Variants in ERICH3 observed in about 807,000 individuals in gnomAD.
The protein encoded by ERICH3 is glutamate-rich protein 3.
A neutral mutation model predicts 131.1 loss-of-function variants in ERICH3; 126 were observed. The ratio of observed to expected loss-of-function variants is 0.96; its 90% CI spans 0.83 to 1.11. The LOEUF is 1.11. Among genes scored for constraint, ERICH3 ranks in the 50% most tolerant of loss-of-function variants. The pLI, the probability that ERICH3 is intolerant of heterozygous loss-of-function variation, is 0.00. For missense variants in ERICH3, 2,050 were observed against 1,810.7 expected (o/e 1.13, Z -2.40); for synonymous variants, 695 against 644.6 (o/e 1.08, Z -1.18).
chr1:74,594,362 C>T (rs891773943), intron 11 of ERICH3, among the ~76,000 whole-genome samples: 4 of 151,246 alleles, frequency 2.6e-5, no homozygotes, highest in Admixed American at 1.3e-4. Flanking sequence ...TAGCTTGATA[C>T]GCCTGACCAA....
chr1:74,598,464 G>A (rs1647960902), intron 11 of ERICH3, among the ~76,000 whole-genome samples: 1 of 151,782 alleles, frequency 6.6e-6, no homozygotes, highest in South Asian at 2.1e-4. Flanking sequence ...AAATAGATTA[G>A]AGTAATAAAA....
chr1:74,657,741 A>C (rs1437399871), intron 1 of ERICH3, among the ~76,000 whole-genome samples: 1 of 152,136 alleles, frequency 6.6e-6, no homozygotes, highest in East Asian at 1.9e-4. Flanking sequence ...AATGGGGAAG[A>C]AGTGAATGGG....
At position 74,572,434 on chromosome 1, in the gene ERICH3, A is replaced by T; in HGVS notation, c.3276T>A (p.Phe1092Leu). The T allele has an allele frequency of 6.2e-7, 1 of 1,613,954 alleles. No individual in the cohort carries two copies. The highest frequency in any genetic ancestry group is 1.3e-5 in the African/African-American group (1 of 75,008). The stretch of plus-strand genomic sequence containing the variant: ...CCGCTTTAAGTTTTTGCTCTTCTTT[A>T]AAAGCATCTTCATCCTTGAGTGCAT... Reference protein sequence around the residue: ...RANALKDEDAFKEEQKLKAEE... With the variant: ...RANALKDEDALKEEQKLKAEE... Residue 1092 changes from phenylalanine (F) to leucine (L), a missense_variant, in exon 14 of 15, where the codon TTT (phenylalanine) becomes TTA (leucine). Transcript: ENST00000326665.
At chr1:74,588,205 T>A (rs1298689517) in intron 12 of ERICH3, among the ~76,000 whole-genome samples, 1 of 152,226 alleles carries the variant, frequency 6.6e-6, no homozygotes, top group Non-Finnish European at 1.5e-5. Flanking sequence ...ATTTAACCTT[T>A]AAAGTTTCTC....
chr1:74,628,694 T>TACAC lies in ERICH3; in HGVS notation c.819+3015_819+3018dup, dbSNP rs3036412. ...TCAAGTGTCAACTCTCCATATACAG[T>TACAC]ACACACACACACACACACAGACACA... On this transcript the variant is annotated intron_variant, in intron 7 of 14. Transcript: ENST00000326665. Among the ~76,000 whole-genome samples, 223 of 148,820 alleles carry TACAC rather than the reference T, an allele frequency of 1.5e-3. 1 individual carries two copies. The highest frequency in any genetic ancestry group is 3.6e-3 in the African/African-American group (148 of 40,714).
Position 74,646,667 on chromosome 1 carries a change from C to T in ERICH3, c.243G>A (p.Glu81=). ...QAIFHKVLDM[E]RYHQLEIKKK... ...ATAAAAAATAAGTATATATTTTTAC[C>T]TCCATATCAAGAACTTTATGAAAAA... Residue 81 remains glutamate, a splice_region_variant and synonymous_variant, in exon 3 of 15, where the codon GAG becomes GAA. Coordinates refer to ENST00000326665, the MANE Select transcript of ERICH3 (RefSeq NM_001002912.5). 7.7e-7 allele frequency: 1 copy of T among 1,305,074 alleles called. No homozygotes were observed. Among genetic ancestry groups the T allele is most frequent in the Non-Finnish European group, 1.0e-6 (1 of 958,522 alleles). The allele number at this position is 1,305,074 out of a possible 1,614,324, so 80.8% of individuals were successfully genotyped here. A position where few individuals can be genotyped will look rare whatever the true frequency, so the allele number is the denominator to read the frequency against.
chr1:74,583,361 C>T (rs1338576113), intron 12 of ERICH3, among the ~76,000 whole-genome samples: 1 of 151,806 alleles, frequency 6.6e-6, no homozygotes, highest in Non-Finnish European at 1.5e-5. Context: ...ATACATGCCT[C>T]CTTATAATAA....
At chr1:74,597,703 T>G (rs1005078854) in intron 11 of ERICH3, among the ~76,000 whole-genome samples, 1 of 151,976 alleles carries the variant, frequency 6.6e-6, no homozygotes, top group Non-Finnish European at 1.5e-5. Context: ...AAATATCTTT[T>G]GAGAAATCAG....
chr1:74,641,514 A>G, intron 4 of ERICH3, 55 bp from the exon 5 acceptor site: 2 of 1,552,944 alleles, frequency 1.3e-6, no homozygotes, highest in Non-Finnish European at 1.8e-6. Context: ...TCTAGGTTAG[A>G]TTATGCATGA....
chr1:74,595,708 T>G (rs1343734514), intron 11 of ERICH3, among the ~76,000 whole-genome samples: 1 of 152,064 alleles, frequency 6.6e-6, no homozygotes, highest in African/African-American at 2.4e-5. Flanking sequence ...AGATTCAAAC[T>G]GTAGAGAAAC....
intron 12 of ERICH3, among the ~76,000 whole-genome samples, chr1:74,586,720 A>AT (rs1486357258): frequency 1.3e-5 from 2 of 152,166 alleles, no homozygotes; most frequent in African/African-American, 4.8e-5. Flanking sequence ...AAATGGCTAA[A>AT]TTATGAGAAA....
At chr1:74,642,417 A>G (rs1289514224) in intron 4 of ERICH3, among the ~76,000 whole-genome samples, 1 of 152,192 alleles carries the variant, frequency 6.6e-6, no homozygotes, top group East Asian at 1.9e-4. Flanking sequence ...GAAACTGAGT[A>G]AAACTGCCAA....
rs530184030 is a variant in ERICH3 at position 74,590,103 on chromosome 1, CATT to C, written c.1727-26_1727-24del. The C allele has an allele frequency of 2.4e-4, 362 of 1,525,514 alleles. 1 individual carries two copies. In the African/African-American group the frequency reaches 3.6e-3, roughly 15 times the overall value. 94.5% of individuals were successfully genotyped at this position (1,525,514 alleles called of 1,614,324 possible). ...TATCTACAAAAAATAAAAGTGATGA[CATT>C]GTTGTTGTTCTGTAAAGCAATTGGT... On this transcript the variant is annotated intron_variant, in intron 11 of 14. Transcript: ENST00000326665.
chr1:74,646,179 T>G (rs1250156118), intron 3 of ERICH3, among the ~76,000 whole-genome samples: 4 of 152,058 alleles, frequency 2.6e-5, no homozygotes, highest in Non-Finnish European at 1.5e-5. Context: ...AAATGCCTAT[T>G]CCTTGAAATG....
In ERICH3 at chr1:74,579,924, T is replaced by C. The variant is rs143090607; in HGVS notation, c.2177-2988A>G. The C allele has an allele frequency of 2.4e-3, 2,344 of 964,408 alleles. 42 individuals carry two copies. In the African/African-American group the frequency reaches 0.038, roughly 15 times the overall value. The allele number at this position is 964,408 out of a possible 1,614,324, so 59.7% of individuals were successfully genotyped here. A position where few individuals can be genotyped will look rare whatever the true frequency, so the allele number is the denominator to read the frequency against. On this transcript the variant is annotated intron_variant, in intron 12 of 14. Coordinates refer to ENST00000326665, the MANE Select transcript of ERICH3 (RefSeq NM_001002912.5). ...TCTTAGAAAGTCAGCTTTTTTTTTT[T>C]CACTCAAATGATATAATGATACTTT...
Position 74,654,439 on chromosome 1 carries a change from G to A in ERICH3, c.24-5124C>T, listed in dbSNP as rs145186347. On this transcript the variant is annotated intron_variant, in intron 1 of 14. Transcript: ENST00000326665. ...TGTTTCTCTTAGTTTCTTTGGGGCT[G>A]CTCTAACAGAATACCATAGCCTAGG... 3.8e-3 allele frequency among the ~76,000 whole-genome samples: 575 copies of A among 152,034 alleles called. 1 individual carries two copies. The highest frequency in any genetic ancestry group is 0.013 in the African/African-American group (554 of 41,488).
chr1:74,662,468 AT>A (rs1333892322), intron 1 of ERICH3, among the ~76,000 whole-genome samples: 11 of 152,156 alleles, frequency 7.2e-5, no homozygotes, highest in Non-Finnish European at 2.9e-5. Context: ...AGAAAAAAAA[AT>A]GTTCAAACTC....
rs1646740069 is a variant in ERICH3 at position 74,671,229 on chromosome 1, T to G, written c.23+2268A>C. ...TTGTCCTTTACCTTGTGATCTTTGT[T>G]GGACCTTTATCAGTAGTTCTGCTTT... On this transcript the variant is annotated intron_variant, in intron 1 of 14. Transcript: ENST00000326665. 1.5e-5 allele frequency among the ~76,000 whole-genome samples: 2 copies of G among 129,490 alleles called. 1 individual carries two copies. Among genetic ancestry groups the G allele is most frequent in the African/African-American group, 5.4e-5 (2 of 36,874 alleles). The allele number at this position is 129,490 out of a possible 152,430, so 85.0% of individuals were successfully genotyped here. A position where few individuals can be genotyped will look rare whatever the true frequency, so the allele number is the denominator to read the frequency against.
chr1:74,620,843 AT>A lies in ERICH3; in HGVS notation c.890del (p.Asn297MetfsTer58). On this transcript the variant is annotated frameshift_variant, in exon 8 of 15. Transcript: ENST00000326665. LOFTEE classifies it high-confidence loss of function. ...AAITMIYLGK[N>X]VHLSSDNPDF... ...CAGGATTATCAGAAGATAGGTGCAC[AT>A]TTTTCCCCAAATAGATCATTGTAAT... 6.2e-7 allele frequency: 1 copy of A among 1,612,928 alleles called. No homozygotes were observed. The highest frequency in any genetic ancestry group is 2.2e-5 in the East Asian group (1 of 44,794).
Sources: allele counts gnomAD v4.1 joint callset (sites outside exome capture counted in the v4.1 genomes callset), GRCh38; gene constraint gnomAD v4.1.1; transcripts MANE v1.5; gene names NCBI Gene and HGNC (gene_info 2026-07-23, HGNC 2026-07-21).